FA2H: variants seen among roughly 807,000 people sequenced by gnomAD.
FA2H encodes fatty acid 2-hydroxylase, also known as fatty acid alpha-hydroxylase.
FA2H carries 22 observed loss-of-function variants against 44.9 expected under a neutral mutation model. That is an observed-to-expected ratio of 0.49 (90% CI 0.35 to 0.70). The LOEUF is 0.70. Among genes scored for constraint, FA2H ranks in the 30% least tolerant of loss-of-function variants. The probability of loss-of-function intolerance (pLI) is 0.01; values close to 1 mark genes in which losing one functional copy is unlikely to be tolerated. For synonymous variants in FA2H, 243 were observed against 213.2 expected (o/e 1.14, Z -1.22); for missense variants, 501 against 504.9 (o/e 0.99, Z 0.07).
chr16:74,716,336 C>A lies in FA2H; in HGVS notation c.1039+11G>T. 4 of 1,613,326 alleles carry A rather than the reference C, an allele frequency of 2.5e-6. No homozygotes were observed. Among genetic ancestry groups the A allele is most frequent in the African/African-American group, 2.7e-5 (2 of 74,952 alleles). On this transcript the variant is annotated intron_variant, in intron 6 of 6. Transcript: ENST00000219368. ...CACATAGGGGGCTGGGAAGCACAGG[C>A]CCATCCTCACCTGACTTCTGATGTG... is the stretch of plus-strand genomic sequence containing the variant.
intron 2 of FA2H, among the ~76,000 whole-genome samples, chr16:74,731,502 C>T (rs149779930): frequency 1.4e-3 from 210 of 152,166 alleles, no homozygotes; most frequent in African/African-American, 4.8e-3. Flanking sequence ...GAGTAGGTCT[C>T]CTCTGGTTTT....
chr16:74,720,057 C>T (rs933569456), intron 4 of FA2H, among the ~76,000 whole-genome samples: 5 of 152,080 alleles, frequency 3.3e-5, no homozygotes, highest in African/African-American at 1.2e-4. Context: ...ATGCTTCCCA[C>T]CACCCTCCGG....
At chr16:74,747,237 G>C (rs1015522952) in intron 1 of FA2H, among the ~76,000 whole-genome samples, 5 of 151,990 alleles carry the variant, frequency 3.3e-5, no homozygotes, top group Non-Finnish European at 7.4e-5. Context: ...CTTGAACCCA[G>C]GAAATGGAGG....
chr16:74,761,211 G>A (rs1337308123), intron 1 of FA2H, among the ~76,000 whole-genome samples: 2 of 152,166 alleles, frequency 1.3e-5, no homozygotes, highest in East Asian at 3.9e-4. Flanking sequence ...CAGCACTTTG[G>A]GAAGCCAAGG....
rs373559948 is a variant in FA2H at position 74,745,577 on chromosome 16, A to G, written c.271-5462T>C. ...AGCAGGCACTGCTCATTCCCAGCCA[A>G]GAGCCACTGGACGTGCCGGGCAATG... is the stretch of plus-strand genomic sequence containing the variant. On this transcript the variant is annotated intron_variant, in intron 1 of 6. Transcript: ENST00000219368. 2.0e-5 allele frequency among the ~76,000 whole-genome samples: 3 copies of G among 152,336 alleles called. No homozygotes were observed. In the East Asian group the frequency reaches 5.8e-4, roughly 29 times the overall value.
At chr16:74,731,350 C>T (rs1257749512) in intron 2 of FA2H, among the ~76,000 whole-genome samples, 4 of 148,736 alleles carry the variant, frequency 2.7e-5, no homozygotes, top group Admixed American at 6.8e-5. Context: ...ACCATGTTGG[C>T]CATGATGGTC....
chr16:74,718,868 G>T, intron 5 of FA2H, 120 bp downstream of exon 5: 1 of 1,205,240 alleles, frequency 8.3e-7, no homozygotes, highest in Non-Finnish European at 1.2e-6. Context: ...CAAACGTCCC[G>T]TCCCTCCCAA....
Position 74,774,736 on chromosome 16 carries a change from G to T in FA2H, c.20C>A (p.Pro7His). The stretch of plus-strand genomic sequence containing the variant: ...CTCGGAGGGCGAGAAGGAGGCGGCG[G>T]GGGGCGGAGCGGGGGCCATGGCCGG... MAPAPP[P>H]AASFSPSEVQ... The change falls in exon 1 of 7, where the codon CCC becomes CAC. Residue 7 changes from proline to histidine, a missense_variant. Coordinates refer to ENST00000219368, the MANE Select transcript of FA2H (RefSeq NM_024306.5). 2 of 1,321,634 alleles carry T rather than the reference G, an allele frequency of 1.5e-6. No individual in the cohort carries two copies. Among genetic ancestry groups the T allele is most frequent in the Non-Finnish European group, 1.9e-6 (2 of 1,045,472 alleles). The allele number at this position is 1,321,634 out of a possible 1,614,324, so 81.9% of individuals were successfully genotyped here.
intron 1 of FA2H, among the ~76,000 whole-genome samples, chr16:74,754,463 T>A (rs1962579863): frequency 6.6e-6 from 1 of 152,016 alleles, no homozygotes; most frequent in Admixed American, 6.6e-5. Flanking sequence ...CTCCTCCAAT[T>A]CCCCCTGCCA....
chr16:74,716,418 G>T lies in FA2H; in HGVS notation c.968C>A (p.Pro323Gln), dbSNP rs774131656. 1 of 1,613,898 alleles carries T rather than the reference G, an allele frequency of 6.2e-7. No individual in the cohort carries two copies. The highest frequency in any genetic ancestry group is 8.5e-7 in the Non-Finnish European group (1 of 1,180,020). Residue 323 changes from proline (P) to glutamine (Q), a missense_variant, in exon 6 of 7, where the codon CCG becomes CAG. Physicochemically the swap from Pro to Gln is moderately conservative, Grantham distance 76. Transcript: ENST00000219368. ...GCTGTACAGGTAGGAGCCCTTGTGC[G>T]GCGAGCCAAAGTGCAGGTAGTAATG... is the stretch of plus-strand genomic sequence containing the variant. ...MTHYYLHFGS[P>Q]HKGSYLYSLK...
In FA2H at chr16:74,726,312, A is replaced by AGAT; in HGVS notation, c.523_525dup (p.Ile175dup). 1 of 1,613,760 alleles carries AGAT rather than the reference A, an allele frequency of 6.2e-7. No individual in the cohort carries two copies. Among genetic ancestry groups the AGAT allele is most frequent in the Non-Finnish European group, 8.5e-7 (1 of 1,179,720 alleles). On this transcript the variant is annotated inframe_insertion, in exon 4 of 7. Transcript: ENST00000219368. ...CTGAGATACAGCACCAGGGGCACCC[A>AGAT]GATGATGGGGACACTGTACCTGCAG...
chr16:74,718,129 G>T (rs539973891), intron 5 of FA2H, among the ~76,000 whole-genome samples: 2 of 152,342 alleles, frequency 1.3e-5, no homozygotes, highest in East Asian at 3.9e-4. Flanking sequence ...GTCCCAGGCG[G>T]CCGATCAAAC....
At chr16:74,759,597 G>T (rs936984847) in intron 1 of FA2H, among the ~76,000 whole-genome samples, 7 of 152,246 alleles carry the variant, frequency 4.6e-5, no homozygotes, top group Non-Finnish European at 7.3e-5. Flanking sequence ...GATAGAAGGA[G>T]CATTTAAAAT....
At chr16:74,721,735 C>T (rs1797910992) in intron 4 of FA2H, among the ~76,000 whole-genome samples, 1 of 152,242 alleles carries the variant, frequency 6.6e-6, no homozygotes, top group East Asian at 1.9e-4. Context: ...TTCCACCCAG[C>T]TTCCTACTTC....
intron 5 of FA2H, chr16:74,717,017 ATGT>A (rs769055927): frequency 1.3e-4 from 26 of 194,138 alleles, no homozygotes; most frequent in Non-Finnish European, 2.7e-4. Flanking sequence ...CTGAGGCCTG[ATGT>A]TGTCTGGGAG....
At chr16:74,718,132 G>A (rs1043344035) in intron 5 of FA2H, among the ~76,000 whole-genome samples, 4 of 152,188 alleles carry the variant, frequency 2.6e-5, no homozygotes, top group Non-Finnish European at 4.4e-5. Context: ...CCAGGCGGCC[G>A]ATCAAACCCC....
intron 5 of FA2H, among the ~76,000 whole-genome samples, chr16:74,718,572 C>A (rs1253208738): frequency 6.6e-6 from 1 of 152,170 alleles, no homozygotes; most frequent in Non-Finnish European, 1.5e-5. Flanking sequence ...CAGTCTCCTG[C>A]TCTGTGGAAC....
intron 4 of FA2H, among the ~76,000 whole-genome samples, chr16:74,723,879 T>C (rs994190321): frequency 1.3e-4 from 20 of 151,860 alleles, no homozygotes; most frequent in East Asian, 5.8e-4. Flanking sequence ...AGTATATACA[T>C]TGTATTATAT....
At chr16:74,731,859 A>G (rs1451876215) in intron 2 of FA2H, among the ~76,000 whole-genome samples, 1 of 151,192 alleles carries the variant, frequency 6.6e-6, no homozygotes, top group East Asian at 2.0e-4. Flanking sequence ...ATCTCTCTCA[A>G]ATGAATCCCC....
Sources: gnomAD v4.1 joint callset for allele counts (sites outside exome capture counted in the v4.1 genomes callset) on GRCh38, gnomAD v4.1.1 for gene constraint, MANE v1.5 for transcripts, NCBI Gene and HGNC (gene_info 2026-07-23, HGNC 2026-07-21) for gene names.